The following SPOP variants were observed in gnomAD, a reference collection of about 807,000 sequenced individuals.
The protein encoded by SPOP is speckle-type POZ protein.
SPOP carries 11 observed loss-of-function variants against 45.6 expected under a neutral mutation model. That is an observed-to-expected ratio of 0.24 (90% CI 0.15 to 0.40). The LOEUF is 0.40. Among genes scored for constraint, SPOP ranks in the 10% least tolerant of loss-of-function variants. The pLI, the probability that SPOP is intolerant of heterozygous loss-of-function variation, is 1.00. For missense variants in SPOP, 152 were observed against 465.6 expected (o/e 0.33, Z 6.20); for synonymous variants, 166 against 166.3 (o/e 1.00, Z 0.01).
chr17:49,649,828 CAAAAAAAA>C (rs2072817082), intron 1 of SPOP, among the ~76,000 whole-genome samples: 1 of 150,270 alleles, frequency 6.7e-6, no homozygotes, highest in Non-Finnish European at 1.5e-5. Flanking sequence ...GACTCCATCT[CAAAAAAAA>C]GAAAAAAAGA....
intron 1 of SPOP, among the ~76,000 whole-genome samples, chr17:49,638,229 C>T (rs947958704): frequency 2.6e-5 from 4 of 152,144 alleles, no homozygotes; most frequent in African/African-American, 4.8e-5. Context: ...GCAGAAAATT[C>T]CACTGCTATA....
At chr17:49,605,314 G>A (rs947674290) in intron 8 of SPOP, among the ~76,000 whole-genome samples, 1 of 152,164 alleles carries the variant, frequency 6.6e-6, no homozygotes, top group African/African-American at 2.4e-5. Flanking sequence ...AAAGATTACG[G>A]CCATGCCTCA....
At chr17:49,603,835 T>C (rs1011697714) in intron 8 of SPOP, among the ~76,000 whole-genome samples, 1 of 152,254 alleles carries the variant, frequency 6.6e-6, no homozygotes, top group Non-Finnish European at 1.5e-5. Flanking sequence ...TCAACAGCTT[T>C]ATCTTTTAAA....
chr17:49,664,559 A>G (rs989339971), intron 1 of SPOP, among the ~76,000 whole-genome samples: 1 of 152,206 alleles, frequency 6.6e-6, no homozygotes, highest in Non-Finnish European at 1.5e-5. Flanking sequence ...AAAGCTCTTT[A>G]GGGTCCTCAA....
At chr17:49,667,388 G>A (rs538106707) in intron 1 of SPOP, among the ~76,000 whole-genome samples, 82 of 150,892 alleles carry the variant, frequency 5.4e-4, no homozygotes, top group African/African-American at 1.9e-3. Context: ...TAAGGAGTTC[G>A]AGACCAGCCC....
intron 1 of SPOP, among the ~76,000 whole-genome samples, chr17:49,663,401 G>A (rs1355960538): frequency 6.6e-6 from 1 of 152,178 alleles, no homozygotes; most frequent in Non-Finnish European, 1.5e-5. Context: ...AAAAGGTTGG[G>A]GACCACTGCT....
In SPOP at chr17:49,602,198, T is replaced by C. The variant is rs76208909; in HGVS notation, c.838-191A>G. 4,896 of 582,232 alleles carry C rather than the reference T, an allele frequency of 8.4e-3. 29 individuals carry two copies. The highest frequency in any genetic ancestry group is 0.01 in the Non-Finnish European group (3,697 of 363,900). 36.1% of individuals were successfully genotyped at this position (582,232 alleles called of 1,614,324 possible). On this transcript the variant is annotated intron_variant, in intron 8 of 9. Transcript: ENST00000504102. Reference sequence around the variant, plus strand: ...AGGTTAGATGTTTAAGCTTGAAATGTAAACAGCTAAAGTAACTTGGAAAGC... The same window carrying C: ...AGGTTAGATGTTTAAGCTTGAAATGCAAACAGCTAAAGTAACTTGGAAAGC...
chr17:49,673,234 G>A (rs113480589), intron 1 of SPOP, among the ~76,000 whole-genome samples: 154 of 152,250 alleles, frequency 1.0e-3, no homozygotes, highest in African/African-American at 3.5e-3. Context: ...GGCTGGGCAC[G>A]GTGGCTCACG....
At chr17:49,628,946 C>T (rs992336217) in intron 1 of SPOP, among the ~76,000 whole-genome samples, 12 of 152,222 alleles carry the variant, frequency 7.9e-5, no homozygotes, top group Non-Finnish European at 1.5e-4. Flanking sequence ...GAATTCAGTA[C>T]AAATACTCTG....
At chr17:49,677,903 C>T (rs1351719452) in intron 1 of SPOP, 30 bp downstream of exon 1, 5 of 363,568 alleles carry the variant, frequency 1.4e-5, no homozygotes, top group East Asian at 8.0e-5. Context: ...CAGGACAACC[C>T]CCTCCCTCGA....
intron 1 of SPOP, among the ~76,000 whole-genome samples, chr17:49,665,633 A>ATT (rs1358686758): frequency 7.7e-6 from 1 of 129,788 alleles, no homozygotes; most frequent in Non-Finnish European, 1.6e-5. Flanking sequence ...GCAAAAAAAG[A>ATT]TTATATATAT....
chr17:49,635,176 A>C (rs933029226), intron 1 of SPOP, among the ~76,000 whole-genome samples: 3 of 152,222 alleles, frequency 2.0e-5, no homozygotes. Flanking sequence ...AAATAAGCAA[A>C]ATTCTATGTT....
At chr17:49,673,835 G>A (rs2073167392) in intron 1 of SPOP, among the ~76,000 whole-genome samples, 1 of 151,898 alleles carries the variant, frequency 6.6e-6, no homozygotes, top group South Asian at 2.1e-4. Context: ...TATTCAGTAG[G>A]TGTGGCTTTA....
Position 49,607,315 on chromosome 17 carries a change from T to G in SPOP, c.772A>C (p.Ile258Leu). 1 of 1,614,172 alleles carries G rather than the reference T, an allele frequency of 6.2e-7. No homozygotes were observed. Among genetic ancestry groups the G allele is most frequent in the Non-Finnish European group, 8.5e-7 (1 of 1,180,022 alleles). ...PEVFKEMMCF[I>L]YTGKAPNLDK... ...AGGTTTGGAGCCTTCCCCGTGTAAATGAAGCACATCATTTCCTTAAAAACT... is the reference window on the plus strand; with the variant it reads ...AGGTTTGGAGCCTTCCCCGTGTAAAGGAAGCACATCATTTCCTTAAAAACT... The change falls in exon 8 of 10, where the codon ATT (isoleucine) becomes CTT (leucine). Residue 258 changes from isoleucine (I) to leucine (L), a missense_variant. Coordinates refer to ENST00000504102, the MANE Select transcript of SPOP (RefSeq NM_001007228.2).
chr17:49,640,246 C>T (rs1186830838), intron 1 of SPOP, among the ~76,000 whole-genome samples: 1 of 150,834 alleles, frequency 6.6e-6, no homozygotes, highest in Non-Finnish European at 1.5e-5. Context: ...GAGTGAGACC[C>T]CGTCTCAAAA....
Position 49,666,448 on chromosome 17 carries a change from G to GACAC in SPOP, c.-67+11481_-67+11484dup, listed in dbSNP as rs36210011. On this transcript the variant is annotated intron_variant, in intron 1 of 9. Coordinates refer to ENST00000504102, the MANE Select transcript of SPOP (RefSeq NM_001007228.2). The stretch of plus-strand genomic sequence containing the variant: ...AGGGGAGGATTCCTTCATGAAGACA[G>GACAC]ACACACACACACACACACACACACA... Among the ~76,000 whole-genome samples, 738 of 142,098 alleles carry GACAC rather than the reference G, an allele frequency of 5.2e-3. 7 individuals are homozygous for GACAC. Among genetic ancestry groups the GACAC allele is most frequent in the Admixed American group, 0.024 (340 of 14,100 alleles). The allele number at this position is 142,098 out of a possible 152,430, so 93.2% of individuals were successfully genotyped here.
intron 1 of SPOP, among the ~76,000 whole-genome samples, chr17:49,627,565 C>T (rs1250100800): frequency 6.6e-6 from 1 of 152,054 alleles, no homozygotes; most frequent in East Asian, 1.9e-4. Flanking sequence ...ACTGAGTAAT[C>T]CTAAAATACC....
At chr17:49,668,271 GTAA>G (rs2073089475) in intron 1 of SPOP, among the ~76,000 whole-genome samples, 1 of 152,096 alleles carries the variant, frequency 6.6e-6, no homozygotes, top group African/African-American at 2.4e-5. Context: ...TTTATTATGT[GTAA>G]TAATAAAAAA....
chr17:49,601,069 A>T (rs967451277), intron 9 of SPOP: 1 of 153,788 alleles, frequency 6.5e-6, no homozygotes, highest in Non-Finnish European at 1.4e-5. Context: ...CTTCTGCCTC[A>T]CTTGATCACT....
Sources: gnomAD v4.1 joint callset for allele counts (sites outside exome capture counted in the v4.1 genomes callset) on GRCh38, gnomAD v4.1.1 for gene constraint, MANE v1.5 for transcripts, NCBI Gene and HGNC (gene_info 2026-07-23, HGNC 2026-07-21) for gene names.